The following LEMD1 variants were observed in gnomAD, a reference collection of about 807,000 sequenced individuals.
The protein encoded by LEMD1 is LEM domain containing 1.
LEMD1 carries 18 observed loss-of-function variants against 17.4 expected under a neutral mutation model. The ratio of observed to expected loss-of-function variants is 1.04; its 90% CI spans 0.72 to 1.54. The LOEUF is 1.54. Ranked by LOEUF, LEMD1 falls within the 40% of genes most tolerant of loss-of-function variation. The pLI is 0.00. For missense variants in LEMD1, 195 were observed against 210.4 expected (o/e 0.93, Z 0.45); for synonymous variants, 88 against 77.8 (o/e 1.13, Z -0.69).
At chr1:205,401,145 C>T (rs572943547) in intron 4 of LEMD1, among the ~76,000 whole-genome samples, 115 of 147,630 alleles carry the variant, frequency 7.8e-4, no homozygotes, top group African/African-American at 2.4e-3. Context: ...TGAATAGTGC[C>T]GCAATAAACA....
chr1:205,440,978 T>G (rs555619844), intron 1 of LEMD1: 15 of 152,582 alleles, frequency 9.8e-5, no homozygotes, highest in African/African-American at 3.6e-4. Flanking sequence ...CTCTTCATTT[T>G]GCAGAAGCCG....
chr1:205,449,408 T>C (rs921238733), intron 1 of LEMD1, among the ~76,000 whole-genome samples: 1 of 151,706 alleles, frequency 6.6e-6, no homozygotes, highest in Non-Finnish European at 1.5e-5. Flanking sequence ...AAGAAGATGG[T>C]AAGAGGCCCC....
intron 1 of LEMD1, among the ~76,000 whole-genome samples, chr1:205,439,221 G>A (rs1666254804): frequency 6.6e-6 from 1 of 152,194 alleles, no homozygotes; most frequent in East Asian, 1.9e-4. Context: ...TCTGTCCTTT[G>A]TGACCCCACT....
chr1:205,435,715 GT>G (rs1285073666), intron 1 of LEMD1: 3 of 152,202 alleles, frequency 2.0e-5, no homozygotes, highest in African/African-American at 7.2e-5. Flanking sequence ...TGTCATACCT[GT>G]GTAGGAAAAA....
chr1:205,433,184 C>A (rs552187460), intron 1 of LEMD1, among the ~76,000 whole-genome samples: 2 of 152,206 alleles, frequency 1.3e-5, no homozygotes, highest in Non-Finnish European at 2.9e-5. Context: ...TTAAATTGGC[C>A]AGGCATGGTG....
intron 4 of LEMD1, among the ~76,000 whole-genome samples, chr1:205,407,817 C>T (rs776770650): frequency 3.3e-5 from 5 of 152,166 alleles, no homozygotes; most frequent in Non-Finnish European, 5.9e-5. Context: ...GGATCTGACG[C>T]TAACTCCAGG....
At chr1:205,443,279 G>A (rs1227190512) in intron 1 of LEMD1, among the ~76,000 whole-genome samples, 4 of 152,180 alleles carry the variant, frequency 2.6e-5, no homozygotes, top group South Asian at 2.1e-4. Context: ...CAGGGTCTCT[G>A]GCCCCAGAGT....
At chr1:205,399,697 T>A (rs1664749513) in intron 4 of LEMD1, among the ~76,000 whole-genome samples, 1 of 152,234 alleles carries the variant, frequency 6.6e-6, no homozygotes, top group Non-Finnish European at 1.5e-5. Context: ...AAGGGGCTCC[T>A]ACTAGCCAAA....
At chr1:205,407,951 A>G (rs1665199041) in intron 4 of LEMD1, among the ~76,000 whole-genome samples, 1 of 152,152 alleles carries the variant, frequency 6.6e-6, no homozygotes, top group Admixed American at 6.5e-5. Flanking sequence ...GTGGGTAGAG[A>G]TAGTTCCTAG....
At chr1:205,411,216 AAGGAAG>A (rs1665393102) in intron 4 of LEMD1, among the ~76,000 whole-genome samples, 2 of 143,452 alleles carry the variant, frequency 1.4e-5, no homozygotes, top group Admixed American at 1.4e-4. Flanking sequence ...GAAAGAAAGA[AAGGAAG>A]GAAGGAGGGA....
intron 1 of LEMD1, 35 bp from the exon 2 acceptor site, chr1:205,420,609 G>T: frequency 1.7e-6 from 2 of 1,147,032 alleles, no homozygotes; most frequent in Non-Finnish European, 1.3e-6. Flanking sequence ...CATTAAGACA[G>T]CCTTACCAAT....
chr1:205,423,029 A>G (rs1040038617), upstream of LEMD1, among the ~76,000 whole-genome samples: 4 of 152,242 alleles, frequency 2.6e-5, no homozygotes, highest in Non-Finnish European at 2.9e-5. Flanking sequence ...AATGTTTTCT[A>G]TTATTCTACT....
At chr1:205,421,401 G>A (rs533673839) in intron 1 of LEMD1, among the ~76,000 whole-genome samples, 48 of 152,234 alleles carry the variant, frequency 3.2e-4, no homozygotes, top group Admixed American at 9.8e-4. Context: ...ATGTTTCAAG[G>A]CTTTTTAATA....
chr1:205,433,307 A>G (rs1666153531), intron 1 of LEMD1, among the ~76,000 whole-genome samples: 1 of 152,082 alleles, frequency 6.6e-6, no homozygotes, highest in African/African-American at 2.4e-5. Flanking sequence ...AAATACAAAA[A>G]TTAGTGAGGC....
chr1:205,407,382 C>T (rs1665168115), intron 4 of LEMD1, among the ~76,000 whole-genome samples: 1 of 151,438 alleles, frequency 6.6e-6, no homozygotes. Context: ...CCCCTGACCT[C>T]CAGGTAGAGG....
In LEMD1 at chr1:205,430,378, A is replaced by G. The variant is rs1666108792; in HGVS notation, c.-38-9804T>C. ...TGGAGCCCATGAAGTCTTGTTTTAG[A>G]GATGGGCATGGATCCCAGTTGTAAC... On this transcript the variant is annotated intron_variant, in intron 1 of 3. Coordinates refer to the LEMD1 transcript ENST00000367154. 2.0e-5 allele frequency among the ~76,000 whole-genome samples: 3 copies of G among 152,110 alleles called. 1 individual carries two copies. Among genetic ancestry groups the G allele is most frequent in the South Asian group, 4.1e-4 (2 of 4,834 alleles).
At position 205,447,752 on chromosome 1, in the gene LEMD1, C is replaced by T. The variant is rs546533763; in HGVS notation, c.-39+2116G>A. On this transcript the variant is annotated intron_variant, in intron 1 of 3. Transcript: ENST00000367154. ...GGACCCTGGAGTCCAGCCTGTCGCC[C>T]GGGGGAGCGCCTGCCTTCCTAGTTT... 1.9e-4 allele frequency among the ~76,000 whole-genome samples: 16 copies of T among 83,938 alleles called. No homozygotes were observed. In the East Asian group the frequency reaches 5.8e-3, roughly 30 times the overall value. The allele number at this position is 83,938 out of a possible 152,430, so 55.1% of individuals were successfully genotyped here. A position where few individuals can be genotyped will look rare whatever the true frequency, so the allele number is the denominator to read the frequency against.
At chr1:205,445,657 G>C (rs1666375989) in intron 1 of LEMD1, among the ~76,000 whole-genome samples, 1 of 152,206 alleles carries the variant, frequency 6.6e-6, no homozygotes, top group Non-Finnish European at 1.5e-5. Flanking sequence ...GGGAGCTGGA[G>C]AGGTCAGAGC....
At chr1:205,396,506 T>C (rs1664598469) in intron 4 of LEMD1, among the ~76,000 whole-genome samples, 1 of 152,228 alleles carries the variant, frequency 6.6e-6, no homozygotes, top group Non-Finnish European at 1.5e-5. Flanking sequence ...ACAAAGTTTG[T>C]AACAGCATTG....
Sources: gnomAD v4.1 joint callset for allele counts (sites outside exome capture counted in the v4.1 genomes callset) on GRCh38, gnomAD v4.1.1 for gene constraint, MANE v1.5 for transcripts, NCBI Gene and HGNC (gene_info 2026-07-23, HGNC 2026-07-21) for gene names.